STX11: variants seen among roughly 807,000 people sequenced by gnomAD.
STX11 encodes syntaxin 11.
In STX11, 21 loss-of-function variants were observed where a neutral mutation model predicts 19.9. The observed-to-expected ratio is 1.06, with a 90% CI of 0.75 to 1.52. The LOEUF is 1.52. Among genes scored for constraint, STX11 ranks in the 40% most tolerant of loss-of-function variants. The probability of loss-of-function intolerance (pLI) is 0.00; values close to 1 mark genes in which losing one functional copy is unlikely to be tolerated. For missense variants in STX11, 438 were observed against 405.9 expected (o/e 1.08, Z -0.68); for synonymous variants, 193 against 174.4 (o/e 1.11, Z -0.84).
In STX11 at chr6:144,170,730, T is replaced by C. The variant is rs1015211766; in HGVS notation, c.-5-15893T>C. Among the ~76,000 whole-genome samples, 3 of 152,228 alleles carry C rather than the reference T, an allele frequency of 2.0e-5. No individual in the cohort carries two copies. Among genetic ancestry groups the C allele is most frequent in the African/African-American group, 4.8e-5 (2 of 41,456 alleles). The stretch of plus-strand genomic sequence containing the variant: ...ATGCACAGGTATTAGTGTTCACTTA[T>C]GATCATAGATGAGACAGAAAATAAA... On this transcript the variant is annotated intron_variant, in intron 1 of 1. Transcript: ENST00000367568. The surrounding 1 kb of genome is among the most constrained non-coding windows in gnomAD (Gnocchi z 4.7).
rs1800997267 is a variant in STX11, at chr6:144,151,182, A to C, written c.-6+479A>C. 1.0e-6 allele frequency: 1 copy of C among 963,820 alleles called. No homozygotes were observed. The highest frequency in any genetic ancestry group is 4.8e-5 in the South Asian group (1 of 20,828). 59.7% of individuals were successfully genotyped at this position (963,820 alleles called of 1,614,324 possible). On this transcript the variant is annotated intron_variant, in intron 1 of 1. Coordinates refer to ENST00000367568, the MANE Select transcript of STX11 (RefSeq NM_003764.4). This position sits in a 1 kb window ranked among gnomAD's most constrained non-coding sequence, Gnocchi z 4.6. ...CTCAGTAGCCAGGAAAGACGGAGAA[A>C]TTGATAGAGCCTTCGAGGAGTCCCT...
In STX11 at chr6:144,188,725, C is replaced by CTTTTTTTTT. The variant is rs11356106; in HGVS notation, c.*1245_*1253dup. Among the ~76,000 whole-genome samples, 1 of 117,922 alleles carries CTTTTTTTTT rather than the reference C, an allele frequency of 8.5e-6. No individual in the cohort carries two copies. Among genetic ancestry groups the CTTTTTTTTT allele is most frequent in the African/African-American group, 3.5e-5 (1 of 28,910 alleles). The allele number at this position is 117,922 out of a possible 152,430, so 77.4% of individuals were successfully genotyped here. Reference sequence around the variant, plus strand: ...ATTATTGTTAAAATTTTTCTTTTTCCTTTTTTTTTTTTTTTTTTTGAGATG... The same window carrying CTTTTTTTTT: ...ATTATTGTTAAAATTTTTCTTTTTCCTTTTTTTTTTTTTTTTTTTTTTTTTTTTGAGATG... On this transcript the variant is annotated 3_prime_UTR_variant, in exon 2 of 2. Coordinates refer to ENST00000367568, the MANE Select transcript of STX11 (RefSeq NM_003764.4).
rs377239615 is a variant in STX11 at position 144,154,180 on chromosome 6, G to C, written c.-6+3477G>C. ...CAGAGCTTGCATTCTGAAGCACCCT[G>C]CTGTGATGTGCTGTCTTGATGAATG... On this transcript the variant is annotated intron_variant, in intron 1 of 1. Coordinates refer to ENST00000367568, the MANE Select transcript of STX11 (RefSeq NM_003764.4). This position sits in a 1 kb window ranked among gnomAD's most constrained non-coding sequence, Gnocchi z 4.7. Among the ~76,000 whole-genome samples the C allele has an allele frequency of 2.6e-5, 4 of 152,320 alleles. No homozygotes were observed. The highest frequency in any genetic ancestry group is 6.5e-5 in the Admixed American group (1 of 15,308).
chr6:144,158,048 A>G (rs1257705737), intron 1 of STX11, among the ~76,000 whole-genome samples: 1 of 152,198 alleles, frequency 6.6e-6, no homozygotes, highest in Non-Finnish European at 1.5e-5. Context: ...ATCCACTGGA[A>G]TAGAATCCAG....
At position 144,160,693 on chromosome 6, in the gene STX11, G is replaced by C. The variant is rs1364319778; in HGVS notation, c.-6+9990G>C. Among the ~76,000 whole-genome samples, 3 of 152,114 alleles carry C rather than the reference G, an allele frequency of 2.0e-5. No individual in the cohort carries two copies. The highest frequency in any genetic ancestry group is 2.9e-5 in the Non-Finnish European group (2 of 68,026). On this transcript the variant is annotated intron_variant, in intron 1 of 1. Coordinates refer to ENST00000367568, the MANE Select transcript of STX11 (RefSeq NM_003764.4). The surrounding 1 kb of genome is among the most constrained non-coding windows in gnomAD (Gnocchi z 4.3). Reference sequence around the variant, plus strand: ...CATAAAGCAGCACTTACTAGATGTAGGTGGAGTTATGTAATCCTCTGCTGT... The same window carrying C: ...CATAAAGCAGCACTTACTAGATGTACGTGGAGTTATGTAATCCTCTGCTGT...
rs1317570206 is a variant in STX11, at chr6:144,186,854, T to C, written c.227T>C (p.Met76Thr). ...CAGAACGCCCGCTTCCTCACGTCCA[T>C]GCGGCGCCTCAGCAGCATCAAGCGC... ...GKQNARFLTS[M>T]RRLSSIKRDT... Residue 76 changes from methionine to threonine, a missense_variant, in exon 2 of 2, where the codon ATG becomes ACG. Transcript: ENST00000367568. 1.2e-6 allele frequency: 2 copies of C among 1,612,964 alleles called. No individual in the cohort carries two copies. The highest frequency in any genetic ancestry group is 1.7e-6 in the Non-Finnish European group (2 of 1,180,004).
In STX11 at chr6:144,172,394, TGG is replaced by T. The variant is rs1801663670; in HGVS notation, c.-5-14228_-5-14227del. ...GGCTAGTCTGAGCTTTCTCACATAA[TGG>T]TTTCAGTGTTCCCAGAGCAGATAAG... On this transcript the variant is annotated intron_variant, in intron 1 of 1. Transcript: ENST00000367568. The surrounding 1 kb of genome is among the most constrained non-coding windows in gnomAD (Gnocchi z 4.2). 1.3e-5 allele frequency among the ~76,000 whole-genome samples: 2 copies of T among 152,138 alleles called. No individual in the cohort carries two copies. Among genetic ancestry groups the T allele is most frequent in the Non-Finnish European group, 2.9e-5 (2 of 68,034 alleles).
rs2128746490 is a variant in STX11 at position 144,153,484 on chromosome 6, G to A, written c.-6+2781G>A. 6.6e-6 allele frequency among the ~76,000 whole-genome samples: 1 copy of A among 152,294 alleles called. No individual in the cohort carries two copies. The highest frequency in any genetic ancestry group is 1.9e-4 in the East Asian group (1 of 5,188). On this transcript the variant is annotated intron_variant, in intron 1 of 1. Coordinates refer to ENST00000367568, the MANE Select transcript of STX11 (RefSeq NM_003764.4). The surrounding 1 kb of genome is among the most constrained non-coding windows in gnomAD (Gnocchi z 5.0). ...AGGAAACTCCAGCCTGTTTAGTGAC[G>A]GCACAGAGGGAGGCCTACGGAGACA... is the stretch of plus-strand genomic sequence containing the variant.
rs140093533 is a variant in STX11 at position 144,187,898 on chromosome 6, C to A, written c.*407C>A. On this transcript the variant is annotated 3_prime_UTR_variant, in exon 2 of 2. Coordinates refer to ENST00000367568, the MANE Select transcript of STX11 (RefSeq NM_003764.4). The surrounding 1 kb of genome is among the most constrained non-coding windows in gnomAD (Gnocchi z 5.6). Reference sequence around the variant, plus strand: ...TGAACTCATGATGGAAACTTCAGTTCATTTACTTTGTCCTGAAAATTCCCT... The same window carrying A: ...TGAACTCATGATGGAAACTTCAGTTAATTTACTTTGTCCTGAAAATTCCCT... 2 of 335,558 alleles carry A rather than the reference C, an allele frequency of 6.0e-6. No homozygotes were observed. The highest frequency in any genetic ancestry group is 4.6e-5 in the Admixed American group (1 of 21,948). The allele number at this position is 335,558 out of a possible 1,614,324, so 20.8% of individuals were successfully genotyped here.
the STX11 span, among the ~76,000 whole-genome samples, chr6:144,140,241 TATATA>T: frequency 1.6e-4 from 8 of 50,170 alleles, no homozygotes; most frequent in African/African-American, 8.5e-4. Flanking sequence ...TATATATATA[TATATA>T]TATATATATT....
intron 1 of STX11, among the ~76,000 whole-genome samples, chr6:144,185,573 G>A (rs1289824410): frequency 1.3e-5 from 2 of 152,134 alleles, no homozygotes; most frequent in Non-Finnish European, 2.9e-5. Context: ...GTAAAAACAT[G>A]AACATTCTGC....
At chr6:144,141,654 T>A in the STX11 span, among the ~76,000 whole-genome samples, 1 of 51,856 alleles carries the variant, frequency 1.9e-5, no homozygotes, top group African/African-American at 1.3e-4. Flanking sequence ...ATTTTCAGTT[T>A]TGTTGTTGTT....
chr6:144,181,326 G>A (rs1056008803), intron 1 of STX11, among the ~76,000 whole-genome samples: 1 of 152,254 alleles, frequency 6.6e-6, no homozygotes, highest in African/African-American at 2.4e-5. Context: ...CAGGTGCAGT[G>A]GCTCATGCCT....
At chr6:144,140,258 ATT>A in the STX11 span, among the ~76,000 whole-genome samples, 34 of 52,452 alleles carry the variant, frequency 6.5e-4, no homozygotes, top group East Asian at 3.6e-3. Flanking sequence ...ATATATATTT[ATT>A]TATTTATTTT....
chr6:144,174,811 C>T lies in STX11; in HGVS notation c.-5-11812C>T, dbSNP rs1254743412. On this transcript the variant is annotated intron_variant, in intron 1 of 1. Transcript: ENST00000367568. This position sits in a 1 kb window ranked among gnomAD's most constrained non-coding sequence, Gnocchi z 5.3. ...AAATAATCTAATTGGTTGATGTATT[C>T]ATGGTTCTGATACTATCTGGTACTA... Among the ~76,000 whole-genome samples the T allele has an allele frequency of 6.6e-6, 1 of 152,120 alleles. No homozygotes were observed. The highest frequency in any genetic ancestry group is 2.4e-5 in the African/African-American group (1 of 41,422).
rs1291353722 is a variant in STX11 at position 144,180,659 on chromosome 6, T to C, written c.-5-5964T>C. On this transcript the variant is annotated intron_variant, in intron 1 of 1. Transcript: ENST00000367568. This position sits in a 1 kb window ranked among gnomAD's most constrained non-coding sequence, Gnocchi z 5.3. ...ACTATAAGTCCAATTAAACCTCTTT[T>C]CTTCCCAGTCTTGGGTATGTCTTTA... Among the ~76,000 whole-genome samples, 1 of 152,212 alleles carries C rather than the reference T, an allele frequency of 6.6e-6. No individual in the cohort carries two copies. The highest frequency in any genetic ancestry group is 1.5e-5 in the Non-Finnish European group (1 of 68,032).
In STX11 at chr6:144,187,509, C is replaced by T; in HGVS notation, c.*18C>T. ...TCAAGTAGCAGGCCGGCCCGGGCCG[C>T]CACCGCCCATCCCAGACCATGGAGC... On this transcript the variant is annotated 3_prime_UTR_variant, in exon 2 of 2. Coordinates refer to ENST00000367568, the MANE Select transcript of STX11 (RefSeq NM_003764.4). The surrounding 1 kb of genome is among the most constrained non-coding windows in gnomAD (Gnocchi z 5.6). 11 of 1,611,658 alleles carry T rather than the reference C, an allele frequency of 6.8e-6. No homozygotes were observed. Among genetic ancestry groups the T allele is most frequent in the Non-Finnish European group, 8.5e-6 (10 of 1,179,886 alleles).
intron 1 of STX11, among the ~76,000 whole-genome samples, chr6:144,181,238 G>A (rs913072342): frequency 7.9e-5 from 12 of 152,140 alleles, no homozygotes; most frequent in East Asian, 3.9e-4. Context: ...TTTGCTCATC[G>A]AGATTGCCCC....
rs1562671646 is a variant in STX11 at position 144,187,469 on chromosome 6, TCTG to T, written c.846_848del (p.Cys283del). ...AACCCCTGCCGGACCCTCTGCTGCT[TCTG>T]CTGTCCCTGCCTCAAGTAGCAGGCC... On this transcript the variant is annotated inframe_deletion, in exon 2 of 2. Transcript: ENST00000367568. This position sits in a 1 kb window ranked among gnomAD's most constrained non-coding sequence, Gnocchi z 5.6. 6.2e-7 allele frequency: 1 copy of T among 1,612,516 alleles called. No homozygotes were observed. The highest frequency in any genetic ancestry group is 2.2e-5 in the East Asian group (1 of 44,876).
Sources: gnomAD v4.1 joint callset for allele counts (sites outside exome capture counted in the v4.1 genomes callset) on GRCh38, gnomAD v4.1.1 for gene constraint, Gnocchi (gnomAD v3.1) non-coding constraint, MANE v1.5 for transcripts, NCBI Gene and HGNC (gene_info 2026-07-23, HGNC 2026-07-21) for gene names.